FAN1: variants seen among roughly 807,000 people sequenced by gnomAD.
FAN1 encodes fanconi-associated nuclease 1.
Under a neutral mutation model 104.9 loss-of-function variants are expected in FAN1, and 91 were observed. That is an observed-to-expected ratio of 0.87 (90% CI 0.73 to 1.03). FAN1 has a LOEUF of 1.03. Ranked by LOEUF, FAN1 falls within the 50% of genes least tolerant of loss-of-function variation. The pLI, the probability that FAN1 is intolerant of heterozygous loss-of-function variation, is 0.00. For missense variants in FAN1, 1,263 were observed against 1,239.9 expected, an observed-to-expected ratio of 1.02 and a Z score of -0.28; for synonymous variants, 478 against 457.6, an observed-to-expected ratio of 1.04 and a Z score of -0.57.
At chr15:30,910,466 C>T (rs2062074062) in intron 3 of FAN1, 148 bp from the exon 4 acceptor site, 2 of 551,400 alleles carry the variant, frequency 3.6e-6, no homozygotes, top group Non-Finnish European at 6.4e-6. Flanking sequence ...GTTAATAATA[C>T]CATGTTAATA....
intron 10 of FAN1, 96 bp from the exon 11 acceptor site, chr15:30,928,457 T>C (rs1207038892): frequency 5.9e-6 from 9 of 1,523,494 alleles, no homozygotes; most frequent in Non-Finnish European, 7.9e-6. Flanking sequence ...TGAAATTGAG[T>C]GTGCAGTAGG....
chr15:30,927,902 C>G (rs942172360), intron 10 of FAN1: 1 of 985,782 alleles, frequency 1.0e-6, no homozygotes, highest in African/African-American at 1.7e-5. Flanking sequence ...ACTTCTGTCT[C>G]TCAGGTCATC....
intron 13 of FAN1, among the ~76,000 whole-genome samples, chr15:30,933,942 TG>T (rs2062784974): frequency 6.6e-6 from 1 of 152,024 alleles, no homozygotes; most frequent in Non-Finnish European, 1.5e-5. Flanking sequence ...TTTTATTTTT[TG>T]TAGAGATGGG....
chr15:30,905,247 A>G lies in FAN1; in HGVS notation c.584A>G (p.Asn195Ser). 6.2e-7 allele frequency: 1 copy of G among 1,614,030 alleles called. No individual in the cohort carries two copies. Among genetic ancestry groups the G allele is most frequent in the Non-Finnish European group, 8.5e-7 (1 of 1,180,008 alleles). ...KSTVVKSLIDNSSEIEDEDQI... is the reference protein window; with the variant it reads ...KSTVVKSLIDSSSEIEDEDQI... ...ACAGTTGTTAAGAGCCTGATTGATA[A>G]CTCTTCAGAAATTGAGGACGAGGAT... The change falls in exon 2 of 15, where the codon AAC (asparagine) becomes AGC (serine). Residue 195 changes from asparagine (N) to serine (S), a missense_variant. By Grantham distance (46) the Asn-to-Ser change is conservative (BLOSUM62 1). This residue lies in a region of FAN1 where 682 missense variants were observed against 571.1 expected (regional missense o/e 1.19). Transcript: ENST00000362065.
Position 30,910,595 on chromosome 15 carries a change from T to A in FAN1, c.1376-19T>A. ...AAAATAGTAAAATTTAAAAAAACTT[T>A]TTTTTTTAACCATTTCAGAATCTGA... On this transcript the variant is annotated intron_variant, in intron 3 of 14. Transcript: ENST00000362065. 1 of 1,487,674 alleles carries A rather than the reference T, an allele frequency of 6.7e-7. No individual in the cohort carries two copies. The highest frequency in any genetic ancestry group is 9.0e-7 in the Non-Finnish European group (1 of 1,106,844). 92.2% of individuals were successfully genotyped at this position (1,487,674 alleles called of 1,614,324 possible). A position where few individuals can be genotyped will look rare whatever the true frequency, so the allele number is the denominator to read the frequency against.
Position 30,905,564 on chromosome 15 carries a change from T to C in FAN1, c.901T>C (p.Cys301Arg). Reference protein sequence around the residue: ...EVVEKREACHCEEVKMTVASE... With the variant: ...EVVEKREACHREEVKMTVASE... The stretch of plus-strand genomic sequence containing the variant: ...GGTTGAAAAACGTGAGGCATGTCAT[T>C]GTGAAGAAGTAAAAATGACTGTTGC... Residue 301 changes from cysteine to arginine, a missense_variant, in exon 2 of 15, where the codon TGT becomes CGT. By Grantham distance (180) the Cys-to-Arg change is radical. Around this residue, in one of 2 missense-constraint regions of FAN1, gnomAD observed 682 missense variants for 571.1 expected, o/e 1.19. Coordinates refer to ENST00000362065, the MANE Select transcript of FAN1 (RefSeq NM_014967.5). 6.2e-7 allele frequency: 1 copy of C among 1,613,982 alleles called. No individual in the cohort carries two copies. The highest frequency in any genetic ancestry group is 8.5e-7 in the Non-Finnish European group (1 of 1,179,858).
Position 30,929,409 on chromosome 15 carries a change from C to G in FAN1, c.2787+12C>G. ...TTCAGCAAGCTCAGGTAATGGTTCA[C>G]CTGCATGGCAGGATTTGCTCAGAAA... On this transcript the variant is annotated intron_variant, in intron 12 of 14. Coordinates refer to ENST00000362065, the MANE Select transcript of FAN1 (RefSeq NM_014967.5). 1 of 1,582,036 alleles carries G rather than the reference C, an allele frequency of 6.3e-7. No individual in the cohort carries two copies. The highest frequency in any genetic ancestry group is 8.6e-7 in the Non-Finnish European group (1 of 1,162,638).
intron 13 of FAN1, among the ~76,000 whole-genome samples, chr15:30,934,855 T>G (rs770586992): frequency 2.0e-5 from 3 of 152,230 alleles, no homozygotes; most frequent in South Asian, 2.1e-4. Flanking sequence ...CCTTCCAGCC[T>G]TTGTGGTGTT....
rs1043808599 is a variant in FAN1, at chr15:30,940,185, G to T, written c.*4-1381G>T. The T allele has an allele frequency of 7.1e-6, 7 of 985,034 alleles. No homozygotes were observed. The East Asian group carries it at 4.6e-4, about 64-fold the overall frequency. The allele number at this position is 985,034 out of a possible 1,614,324, so 61.0% of individuals were successfully genotyped here. ...GTTTTAAGCGGGGAATGAGGAGTGTGGGGGAGGTGGTGCCCCGTTTCACTG... is the reference window on the plus strand; with the variant it reads ...GTTTTAAGCGGGGAATGAGGAGTGTTGGGGAGGTGGTGCCCCGTTTCACTG... On this transcript the variant is annotated intron_variant, in intron 14 of 14. Transcript: ENST00000362065.
chr15:30,912,029 A>C (rs2062110308), intron 4 of FAN1, among the ~76,000 whole-genome samples: 1 of 150,228 alleles, frequency 6.7e-6, no homozygotes, highest in African/African-American at 2.5e-5. Context: ...GCCACTGCAC[A>C]CCAGCCTGGG....
chr15:30,915,088 TGTG>T (rs1476996815), intron 5 of FAN1, among the ~76,000 whole-genome samples: 1 of 152,140 alleles, frequency 6.6e-6, no homozygotes, highest in African/African-American at 2.4e-5. Flanking sequence ...ATAAAGAAAA[TGTG>T]GTACATATAC....
chr15:30,904,941 C>A lies in FAN1; in HGVS notation c.278C>A (p.Thr93Asn). Residue 93 changes from threonine to asparagine, a missense_variant, in exon 2 of 15, where the codon ACC (threonine) becomes AAC (asparagine). Coordinates refer to ENST00000362065, the MANE Select transcript of FAN1 (RefSeq NM_014967.5). ...TCTATGGTAGATTTAACCAGTGTTA[C>A]CTTAGAAGATGTAACACCTAAGAAG... ...NVSMVDLTSV[T>N]LEDVTPKKSP... is the part of the protein sequence containing the mutation. The A allele has an allele frequency of 1.2e-6, 2 of 1,613,982 alleles. No individual in the cohort carries two copies. The highest frequency in any genetic ancestry group is 1.7e-6 in the Non-Finnish European group (2 of 1,180,012).
rs117959814 is a variant in FAN1, at chr15:30,920,257, G to A, written c.1944-288G>A. Among the ~76,000 whole-genome samples, 3,023 of 152,300 alleles carry A rather than the reference G, an allele frequency of 0.02. 37 individuals are homozygous for A. Among genetic ancestry groups the A allele is most frequent in the Non-Finnish European group, 0.029 (1,960 of 68,024 alleles). Reference sequence around the variant, plus strand: ...ACATAAAAACCATTCTTAGTTTGCAGGACATAGAAAATCAGGTGGCAGACC... The same window carrying A: ...ACATAAAAACCATTCTTAGTTTGCAAGACATAGAAAATCAGGTGGCAGACC... On this transcript the variant is annotated intron_variant, in intron 6 of 14. Coordinates refer to ENST00000362065, the MANE Select transcript of FAN1 (RefSeq NM_014967.5).
rs754665280 is a variant in FAN1 at position 30,905,049 on chromosome 15, TTAAAAG to T, written c.390_395del (p.Lys130_Ser131del). ...GTAAAGCAGAAGATCAGTCCCTACTTTAAAAGTAATGATGTGGTGTGCAAAAATCAA... is the reference window on the plus strand; with the variant it reads ...GTAAAGCAGAAGATCAGTCCCTACTTTAATGATGTGGTGTGCAAAAATCAA... On this transcript the variant is annotated inframe_deletion, in exon 2 of 15. Coordinates refer to ENST00000362065, the MANE Select transcript of FAN1 (RefSeq NM_014967.5). The T allele has an allele frequency of 1.1e-5, 18 of 1,613,914 alleles. No homozygotes were observed. In the African/African-American group the frequency reaches 1.9e-4, roughly 17 times the overall value.
chr15:30,941,859 C>T lies in FAN1; in HGVS notation c.*297C>T, dbSNP rs780517269. The T allele has an allele frequency of 5.0e-6, 8 of 1,614,034 alleles. No homozygotes were observed. Among genetic ancestry groups the T allele is most frequent in the Admixed American group, 1.7e-5 (1 of 60,030 alleles). ...CACAGTTTTATGTGTGTTCCAGAGA[C>T]ACGTGGCAGAATAACACCGTGCAGG... is the stretch of plus-strand genomic sequence containing the variant. On this transcript the variant is annotated 3_prime_UTR_variant, in exon 15 of 15. Coordinates refer to ENST00000362065, the MANE Select transcript of FAN1 (RefSeq NM_014967.5).
At chr15:30,933,184 GTTTT>G (rs1566934378) in intron 13 of FAN1, among the ~76,000 whole-genome samples, 2 of 151,932 alleles carry the variant, frequency 1.3e-5, no homozygotes, top group East Asian at 1.9e-4. Flanking sequence ...GGTTTCATTT[GTTTT>G]TTTATTTCCT....
rs111310760 is a variant in FAN1 at position 30,918,464 on chromosome 15, T to C, written c.1943+169T>C. On this transcript the variant is annotated intron_variant, in intron 6 of 14. Coordinates refer to ENST00000362065, the MANE Select transcript of FAN1 (RefSeq NM_014967.5). Reference sequence around the variant, plus strand: ...CCTAGAATGAAAGTGCTGTGTGAAATAGAAGGAAATGTCTGAAGGTTTAAA... The same window carrying C: ...CCTAGAATGAAAGTGCTGTGTGAAACAGAAGGAAATGTCTGAAGGTTTAAA... Among the ~76,000 whole-genome samples the C allele has an allele frequency of 3.2e-3, 491 of 152,310 alleles. 1 individual carries two copies. Among genetic ancestry groups the C allele is most frequent in the African/African-American group, 0.011 (444 of 41,554 alleles).
At chr15:30,912,928 G>A (rs2062128599) in intron 4 of FAN1, among the ~76,000 whole-genome samples, 1 of 152,178 alleles carries the variant, frequency 6.6e-6, no homozygotes. Context: ...GGGCCCACAT[G>A]GTCCTGGATT....
At chr15:30,922,083 C>T in intron 7 of FAN1, 152 bp from the exon 8 acceptor site, 1 of 959,506 alleles carries the variant, frequency 1.0e-6, no homozygotes, top group Non-Finnish European at 1.5e-6. Flanking sequence ...ACCTCAAAGT[C>T]CCTGTCCTGT....
Sources: gnomAD v4.1 joint callset for allele counts (sites outside exome capture counted in the v4.1 genomes callset) on GRCh38, gnomAD v4.1.1 for gene constraint, gnomAD v4.1.1 regional missense constraint, MANE v1.5 for transcripts, NCBI Gene and HGNC (gene_info 2026-07-23, HGNC 2026-07-21) for gene names.